Variants in MGAT4C observed in about 807,000 individuals in gnomAD.
The protein encoded by MGAT4C is MGAT4 family member C.
Under a neutral mutation model 40.1 loss-of-function variants are expected in MGAT4C, and 19 were observed. The ratio of observed to expected loss-of-function variants is 0.47; its 90% CI spans 0.33 to 0.70. The LOEUF is 0.70. MGAT4C is among the 30% of genes least tolerant of loss of function. The probability of loss-of-function intolerance (pLI) is 0.02; values close to 1 mark genes in which losing one functional copy is unlikely to be tolerated. For synonymous variants in MGAT4C, 181 were observed against 187.1 expected (o/e 0.97, Z 0.27); for missense variants, 491 against 563.2 (o/e 0.87, Z 1.30).
intron 1 of MGAT4C, among the ~76,000 whole-genome samples, chr12:86,071,678 T>C (rs1868504113): frequency 6.6e-6 from 1 of 152,124 alleles, no homozygotes; most frequent in Admixed American, 6.6e-5. Flanking sequence ...TTTACATATT[T>C]TAAATCATCT....
chr12:86,351,729 G>T (rs1955165729), intron 3 of MGAT4C, among the ~76,000 whole-genome samples: 1 of 151,944 alleles, frequency 6.6e-6, no homozygotes, highest in South Asian at 2.1e-4. Context: ...ATATCTGACT[G>T]GGGAAATGGT....
intron 2 of MGAT4C, among the ~76,000 whole-genome samples, chr12:86,497,850 T>C (rs1188683063): frequency 6.8e-6 from 1 of 146,702 alleles, no homozygotes; most frequent in Non-Finnish European, 1.5e-5. Flanking sequence ...AAAACTGGCC[T>C]TTTCACCTTT....
At chr12:86,119,562 G>A (rs939406295) in intron 1 of MGAT4C, among the ~76,000 whole-genome samples, 9 of 151,226 alleles carry the variant, frequency 6.0e-5, no homozygotes, top group African/African-American at 9.7e-5. Flanking sequence ...CGTCCGCCAC[G>A]ATGCCCGGCT....
chr12:86,745,081 A>C (rs1951132054), intron 1 of MGAT4C: 1 of 151,480 alleles, frequency 6.6e-6, no homozygotes, highest in Non-Finnish European at 1.5e-5. Context: ...CTGTTCACCC[A>C]ACCTTCTCTT....
intron 1 of MGAT4C, among the ~76,000 whole-genome samples, chr12:86,735,950 G>T (rs1044265324): frequency 6.6e-6 from 1 of 151,778 alleles, no homozygotes; most frequent in East Asian, 1.9e-4. Flanking sequence ...GTGGGTAAGT[G>T]TATTTTTGTA....
chr12:86,160,123 CAA>C (rs1566069554), intron 1 of MGAT4C, among the ~76,000 whole-genome samples: 1 of 151,884 alleles, frequency 6.6e-6, no homozygotes, highest in Admixed American at 6.6e-5. Flanking sequence ...CCTTTAGGTA[CAA>C]AGTTACATTG....
chr12:86,528,358 A>AG (rs1958919879), intron 2 of MGAT4C, among the ~76,000 whole-genome samples: 2 of 152,098 alleles, frequency 1.3e-5, no homozygotes, highest in Admixed American at 1.3e-4. Context: ...CTCAGAGACA[A>AG]GGGATTTTAT....
intron 2 of MGAT4C, among the ~76,000 whole-genome samples, chr12:86,668,065 C>A (rs1964159197): frequency 6.6e-6 from 1 of 152,204 alleles, no homozygotes; most frequent in South Asian, 2.1e-4. Context: ...GCTTAAATTA[C>A]ATTGATAGAT....
chr12:86,757,257 C>T (rs1230802803), intron 1 of MGAT4C, among the ~76,000 whole-genome samples: 1 of 151,972 alleles, frequency 6.6e-6, no homozygotes, highest in Non-Finnish European at 1.5e-5. Flanking sequence ...AGGAGAAAGA[C>T]CTAATGTAGG....
chr12:86,309,879 A>T (rs1366942839), intron 4 of MGAT4C, among the ~76,000 whole-genome samples: 1 of 152,202 alleles, frequency 6.6e-6, no homozygotes, highest in Non-Finnish European at 1.5e-5. Context: ...TTTTAAAAAT[A>T]ATTTATCTCT....
Position 86,087,993 on chromosome 12 carries a change from G to A in MGAT4C, c.-56-38270C>T, listed in dbSNP as rs113907587. On this transcript the variant is annotated intron_variant, in intron 1 of 4. Transcript: ENST00000611864. ...CCCAACCTCAAACTGTATTATAAGC[G>A]TACAGTAATTAAAACATGGGACTGG... Among the ~76,000 whole-genome samples, 553 of 151,848 alleles carry A rather than the reference G, an allele frequency of 3.6e-3. 4 individuals carry two copies. The highest frequency in any genetic ancestry group is 0.013 in the African/African-American group (528 of 41,454).
intron 3 of MGAT4C, among the ~76,000 whole-genome samples, chr12:86,375,313 A>G (rs753640328): frequency 6.6e-6 from 1 of 152,192 alleles, no homozygotes; most frequent in Non-Finnish European, 1.5e-5. Flanking sequence ...TGGAGATTCT[A>G]TGCAAAAAAT....
chr12:86,750,473 GA>G (rs1242792351), intron 1 of MGAT4C, among the ~76,000 whole-genome samples: 1 of 151,806 alleles, frequency 6.6e-6, no homozygotes, highest in African/African-American at 2.4e-5. Context: ...ATTTGAGTGT[GA>G]GATGCTTGCC....
intron 2 of MGAT4C, among the ~76,000 whole-genome samples, chr12:86,019,937 T>G (rs957625622): frequency 6.6e-6 from 1 of 152,180 alleles, no homozygotes; most frequent in Non-Finnish European, 1.5e-5. Flanking sequence ...CTAGGTATTT[T>G]ATTCTCTTTG....
intron 1 of MGAT4C, among the ~76,000 whole-genome samples, chr12:86,054,697 AAAT>A (rs1266450841): frequency 6.6e-6 from 1 of 151,664 alleles, no homozygotes; most frequent in Non-Finnish European, 1.5e-5. Flanking sequence ...TATCAATTAA[AAAT>A]AATGAATAAA....
At chr12:86,507,060 A>C (rs1452801560) in intron 2 of MGAT4C, among the ~76,000 whole-genome samples, 1 of 152,210 alleles carries the variant, frequency 6.6e-6, no homozygotes, top group Non-Finnish European at 1.5e-5. Context: ...GGTGGTCGAC[A>C]TACAATGTCT....
chr12:85,992,027 A>T (rs1199260010), intron 2 of MGAT4C, among the ~76,000 whole-genome samples: 1 of 152,156 alleles, frequency 6.6e-6, no homozygotes, highest in Admixed American at 6.5e-5. Flanking sequence ...TCTGGCCAGA[A>T]AAGCAACACC....
intron 1 of MGAT4C, among the ~76,000 whole-genome samples, chr12:86,149,592 T>C (rs1884010395): frequency 6.6e-6 from 1 of 152,156 alleles, no homozygotes; most frequent in Non-Finnish European, 1.5e-5. Flanking sequence ...GCCATAGCTA[T>C]GAAAGAGTAA....
chr12:86,093,642 C>T (rs1320792336), intron 1 of MGAT4C, among the ~76,000 whole-genome samples: 34 of 151,902 alleles, frequency 2.2e-4, no homozygotes, highest in Non-Finnish European at 1.6e-4. Flanking sequence ...ACAGGAGAAT[C>T]GCTTGAACCT....
Sources: gnomAD v4.1 joint callset for allele counts (sites outside exome capture counted in the v4.1 genomes callset) on GRCh38, gnomAD v4.1.1 for gene constraint, MANE v1.5 for transcripts, NCBI Gene and HGNC (gene_info 2026-07-23, HGNC 2026-07-21) for gene names.